FN1: variants seen among roughly 807,000 people sequenced by gnomAD.
The protein encoded by FN1 is fibronectin.
Under a neutral mutation model 297.3 loss-of-function variants are expected in FN1, and 106 were observed. That is an observed-to-expected ratio of 0.36 (90% CI 0.30 to 0.42). The LOEUF is 0.42. FN1 is among the 10% of genes least tolerant of loss of function. The pLI, the probability that FN1 is intolerant of heterozygous loss-of-function variation, is 1.00. For missense variants in FN1, 2,690 were observed against 3,124.9 expected (o/e 0.86, Z 3.32); for synonymous variants, 1,149 against 1,152.6 (o/e 1.00, Z 0.06).
rs147481936 is a variant in FN1, at chr2:215,372,156, G to A, written c.6467C>T (p.Thr2156Met). 21 of 1,614,234 alleles carry A rather than the reference G, an allele frequency of 1.3e-5. No individual in the cohort carries two copies. Among genetic ancestry groups the A allele is most frequent in the East Asian group, 6.7e-5 (3 of 44,884 alleles). Reference protein sequence around the residue: ...HGFRRTTPPTTATPIRHRPRP... With the variant: ...HGFRRTTPPTMATPIRHRPRP... Reference sequence around the variant, plus strand: ...TGGCCTATGCCTTATGGGGGTGGCCGTTGTGGGCGGTGTGGTCCGCCTAAA... The same window carrying A: ...TGGCCTATGCCTTATGGGGGTGGCCATTGTGGGCGGTGTGGTCCGCCTAAA... The change falls in exon 40 of 46, where the codon ACG becomes ATG. Residue 2156 changes from threonine (T) to methionine (M), a missense_variant. Physicochemically the swap from Thr to Met is moderately conservative, Grantham distance 81. This residue lies in a region of FN1 where 1,743 missense variants were observed against 1,945.2 expected (regional missense o/e 0.90). Transcript: ENST00000354785.
Position 215,399,313 on chromosome 2 carries a change from C to A in FN1, c.3292G>T (p.Val1098Leu). 1 of 1,614,026 alleles carries A rather than the reference C, an allele frequency of 6.2e-7. No homozygotes were observed. Among genetic ancestry groups the A allele is most frequent in the South Asian group, 1.1e-5 (1 of 91,082 alleles). The stretch of plus-strand genomic sequence containing the variant: ...GTGATCACAATGGTGGTCTCAGTCA[C>A]CTCGGTGTTGTAAGGTGGAATAGAG... ...GSSIPPYNTE[V>L]TETTIVITWT... The change falls in exon 21 of 46, where the codon GTG (valine) becomes TTG (leucine). Residue 1098 changes from valine to leucine, a missense_variant. By Grantham distance (32) the Val-to-Leu change is conservative (BLOSUM62 1). Coordinates refer to ENST00000354785, the MANE Select transcript of FN1 (RefSeq NM_212482.4).
chr2:215,367,793 TG>T, intron 42 of FN1, 69 bp downstream of exon 42: 3 of 1,491,394 alleles, frequency 2.0e-6, no homozygotes, highest in Non-Finnish European at 2.8e-6. Flanking sequence ...CATGCTTCCT[TG>T]GCACATGAGT....
At chr2:215,431,681 T>C in intron 4 of FN1, 152 bp downstream of exon 4, 2 of 817,538 alleles carry the variant, frequency 2.4e-6, no homozygotes, top group Middle Eastern at 3.4e-4. Context: ...GACTATGGAT[T>C]ATATAATAAT....
chr2:215,390,262 C>T (rs1236335038), intron 26 of FN1, among the ~76,000 whole-genome samples: 1 of 152,186 alleles, frequency 6.6e-6, no homozygotes, highest in Non-Finnish European at 1.5e-5. Context: ...TGGCTTGCTG[C>T]AGCCTCAACC....
intron 41 of FN1, among the ~76,000 whole-genome samples, chr2:215,369,211 T>A (rs1313479860): frequency 8.7e-6 from 1 of 115,582 alleles, no homozygotes; most frequent in Non-Finnish European, 1.8e-5. Flanking sequence ...AGAGATGGAA[T>A]CTTTAAAAAA....
Position 215,386,905 on chromosome 2 carries a change from TAA to T in FN1, c.4394_4395del (p.Phe1465TyrfsTer58), listed in dbSNP as rs2059088303. 2 of 1,612,550 alleles carry T rather than the reference TAA, an allele frequency of 1.2e-6. No homozygotes were observed. The highest frequency in any genetic ancestry group is 2.7e-5 in the African/African-American group (2 of 74,530). ...IDFSDITANSFTVHWIAPRAT... is the reference protein window; with the variant it reads ...IDFSDITANSXTVHWIAPRAT... ...GCTCGAGGAGCAATCCAGTGCACAGTAAAAGAGTTGGCAGTAATATCAGAAAA... is the reference window on the plus strand; with the variant it reads ...GCTCGAGGAGCAATCCAGTGCACAGTAAGAGTTGGCAGTAATATCAGAAAA... On this transcript the variant is annotated frameshift_variant, in exon 28 of 46. Coordinates refer to ENST00000354785, the MANE Select transcript of FN1 (RefSeq NM_212482.4). LOFTEE classifies it high-confidence loss of function.
intron 6 of FN1, 64 bp downstream of exon 6, chr2:215,428,116 G>A: frequency 1.3e-6 from 2 of 1,577,986 alleles, no homozygotes; most frequent in Non-Finnish European, 1.7e-6. Flanking sequence ...AGGAAAGATG[G>A]ATTTGCGGAA....
At chr2:215,397,322 C>CCCTG (rs2060418368) in intron 22 of FN1, 99 bp from the exon 23 acceptor site, 1 of 697,440 alleles carries the variant, frequency 1.4e-6, no homozygotes. Context: ...CATGCTTCTT[C>CCCTG]CCTCCCTCCC....
chr2:215,421,717 T>C (rs1236842071), intron 10 of FN1, among the ~76,000 whole-genome samples: 2 of 152,262 alleles, frequency 1.3e-5, no homozygotes. Flanking sequence ...TGTAAGGATC[T>C]GATTTTAGAA....
At position 215,422,097 on chromosome 2, in the gene FN1, G is replaced by T; in HGVS notation, c.1540C>A (p.Leu514Ile). Residue 514 changes from leucine (L) to isoleucine (I), a missense_variant, in exon 10 of 46, where the codon CTT becomes ATT. By Grantham distance (5) the Leu-to-Ile change is conservative. Transcript: ENST00000354785. The stretch of plus-strand genomic sequence containing the variant: ...TGTTAATCAGCCAGCATACCTCGAA[G>T]CTGCGAGTAGGCAATGCATGTCCAT... ...GEWTCIAYSQ[L>I]RDQCIVDDIT... The T allele has an allele frequency of 6.2e-7, 1 of 1,614,118 alleles. No individual in the cohort carries two copies. The highest frequency in any genetic ancestry group is 1.1e-5 in the South Asian group (1 of 91,082).
chr2:215,408,491 T>G, intron 15 of FN1, 65 bp from the exon 16 acceptor site: 1 of 1,492,308 alleles, frequency 6.7e-7, no homozygotes, highest in African/African-American at 1.4e-5. Context: ...CTCTACAGCT[T>G]ATAAGAAGGA....
intron 6 of FN1, among the ~76,000 whole-genome samples, chr2:215,427,043 T>C (rs1379236960): frequency 2.0e-5 from 3 of 151,936 alleles, no homozygotes; most frequent in Non-Finnish European, 4.4e-5. Context: ...GCCTGGTTAA[T>C]TTTTTGTATT....
intron 44 of FN1, chr2:215,362,350 G>T: frequency 2.2e-6 from 1 of 456,346 alleles, no homozygotes. Flanking sequence ...TTGCCCATCT[G>T]CTGAGGCTCA....
chr2:215,406,217 T>TA, intron 19 of FN1, 21 bp downstream of exon 19: 1 of 1,612,732 alleles, frequency 6.2e-7, no homozygotes, highest in South Asian at 1.1e-5. Flanking sequence ...GGAGGGGAGA[T>TA]AGAGATAGGA....
At position 215,395,767 on chromosome 2, in the gene FN1, A is replaced by T. The variant is rs575832786; in HGVS notation, c.3605-1048T>A. Among the ~76,000 whole-genome samples the T allele has an allele frequency of 9.9e-5, 15 of 152,184 alleles. 1 individual carries two copies. The highest frequency in any genetic ancestry group is 1.0e-4 in the Non-Finnish European group (7 of 68,028). On this transcript the variant is annotated intron_variant, in intron 23 of 45. Transcript: ENST00000354785. ...GCCATTAGGAACAGGGTAAACACTA[A>T]TGTGGCAAATACAAGGAAACCCAAC... is the stretch of plus-strand genomic sequence containing the variant.
intron 18 of FN1, among the ~76,000 whole-genome samples, 160 bp downstream of exon 18, chr2:215,406,967 A>G (rs1260921303): frequency 1.3e-5 from 2 of 152,228 alleles, no homozygotes; most frequent in South Asian, 2.1e-4. Context: ...GCCAGCTTTG[A>G]TAAGTTACTT....
At chr2:215,435,616 CCCTGAGGCAG>C (rs1559628390) in intron 1 of FN1, 29 bp downstream of exon 1, 2 of 1,612,378 alleles carry the variant, frequency 1.2e-6, no homozygotes, top group Non-Finnish European at 1.7e-6. Context: ...AGGGTCCCAT[CCCTGAGGCAG>C]CCTGTTTCAG....
chr2:215,389,561 G>T (rs1180923030), intron 26 of FN1, among the ~76,000 whole-genome samples: 1 of 152,116 alleles, frequency 6.6e-6, no homozygotes, highest in Non-Finnish European at 1.5e-5. Context: ...GCCGAGGAGG[G>T]TGGATCACTT....
chr2:215,365,693 A>G, intron 42 of FN1, 63 bp from the exon 43 acceptor site: 1 of 1,548,478 alleles, frequency 6.5e-7, no homozygotes. Flanking sequence ...ACAAGACAGT[A>G]GGTGAACTGG....
Sources: allele counts gnomAD v4.1 joint callset (sites outside exome capture counted in the v4.1 genomes callset), GRCh38; gene constraint gnomAD v4.1.1; regional missense constraint gnomAD v4.1.1; transcripts MANE v1.5; gene names NCBI Gene and HGNC (gene_info 2026-07-23, HGNC 2026-07-21).